ABCA4: variants seen among roughly 807,000 people sequenced by gnomAD.
The protein encoded by ABCA4 is ATP binding cassette subfamily A member 4, also known as retinal-specific phospholipid-transporting ATPase ABCA4.
A neutral mutation model predicts 263.7 loss-of-function variants in ABCA4; 196 were observed. The observed-to-expected ratio is 0.74, with a 90% CI of 0.66 to 0.84. The LOEUF is 0.84. Among genes scored for constraint, ABCA4 ranks in the 40% least tolerant of loss-of-function variants. The pLI, the probability that ABCA4 is intolerant of heterozygous loss-of-function variation, is 0.00. For missense variants in ABCA4, 2,792 were observed against 2,855.1 expected (o/e 0.98, Z 0.50); for synonymous variants, 1,133 against 1,094.2 (o/e 1.04, Z -0.70).
rs142316952 is a variant in ABCA4, at chr1:94,005,663, C to T, written c.6006-81G>A. 6.1e-3 allele frequency: 8,668 copies of T among 1,426,858 alleles called. 38 individuals are homozygous for T. Among genetic ancestry groups the T allele is most frequent in the Middle Eastern group, 0.017 (89 of 5,328 alleles). 88.4% of individuals were successfully genotyped at this position (1,426,858 alleles called of 1,614,324 possible). Reference sequence around the variant, plus strand: ...AGAGCTAGGGCTGGAGAAGCTTCTGCCAACGGGAAAAGGAAGCTGCTTCTT... The same window carrying T: ...AGAGCTAGGGCTGGAGAAGCTTCTGTCAACGGGAAAAGGAAGCTGCTTCTT... On this transcript the variant is annotated intron_variant, in intron 43 of 49. Transcript: ENST00000370225.
intron 40 of ABCA4, 85 bp from the exon 41 acceptor site, chr1:94,008,956 C>T: frequency 6.4e-7 from 1 of 1,562,232 alleles, no homozygotes. Context: ...CTTCCACTTC[C>T]TTGCTTCTGC....
chr1:94,106,538 T>C (rs1053833549), intron 4 of ABCA4, among the ~76,000 whole-genome samples: 2 of 152,210 alleles, frequency 1.3e-5, no homozygotes, highest in African/African-American at 4.8e-5. Context: ...GATTTCTTAC[T>C]ATTAAAATGG....
chr1:94,065,612 C>G (rs1004971846), intron 11 of ABCA4, among the ~76,000 whole-genome samples: 1 of 152,218 alleles, frequency 6.6e-6, no homozygotes, highest in Admixed American at 6.5e-5. Flanking sequence ...AACTGTCCCA[C>G]CTCAGCCTCC....
rs1434831679 is a variant in ABCA4 at position 94,010,862 on chromosome 1, C to T, written c.5652G>A (p.Val1884=). 16 of 1,614,142 alleles carry T rather than the reference C, an allele frequency of 9.9e-6. No individual in the cohort carries two copies. The highest frequency in any genetic ancestry group is 1.3e-5 in the Non-Finnish European group (15 of 1,180,016). The change falls in exon 40 of 50, where the codon GTG becomes GTA. Residue 1884 remains valine, a synonymous_variant. Coordinates refer to ENST00000370225, the MANE Select transcript of ABCA4 (RefSeq NM_000350.3). ...TCAGGAGGAAGTACACCACCCCTTCCACCACCATGGCAAACAGGTTCTTCC... is the reference window on the plus strand; with the variant it reads ...TCAGGAGGAAGTACACCACCCCTTCTACCACCATGGCAAACAGGTTCTTCC... ...LIGKNLFAMV[V]EGVVYFLLTL... is the part of the protein sequence containing the mutation.
At chr1:94,041,582 T>C (rs948990516) in intron 22 of ABCA4, among the ~76,000 whole-genome samples, 180 bp from the exon 23 acceptor site, 7 of 152,294 alleles carry the variant, frequency 4.6e-5, no homozygotes, top group Non-Finnish European at 8.8e-5. Context: ...ATAACTAACA[T>C]TTCATAGCTT....
chr1:94,030,697 G>T (rs2297671), intron 28 of ABCA4, among the ~76,000 whole-genome samples, 171 bp from the exon 29 acceptor site: 48 of 152,066 alleles, frequency 3.2e-4, no homozygotes, highest in Middle Eastern at 3.4e-3. Flanking sequence ...CTGAACACTC[G>T]CAGTGGTCTG....
intron 26 of ABCA4, among the ~76,000 whole-genome samples, chr1:94,034,286 A>T (rs536054462): frequency 6.6e-6 from 1 of 152,194 alleles, no homozygotes; most frequent in African/African-American, 2.4e-5. Flanking sequence ...ACTCATTAGA[A>T]GCAGGGAGCC....
intron 43 of ABCA4, among the ~76,000 whole-genome samples, chr1:94,006,756 A>T (rs1407670445): frequency 6.6e-6 from 1 of 152,226 alleles, no homozygotes; most frequent in Admixed American, 6.5e-5. Context: ...GCATTGGGCC[A>T]TGCTGAGGAT....
chr1:94,106,160 T>C (rs889178262), intron 4 of ABCA4, among the ~76,000 whole-genome samples: 1 of 152,202 alleles, frequency 6.6e-6, no homozygotes, highest in Non-Finnish European at 1.5e-5. Context: ...GTGGCCAACC[T>C]TTCCTGAGCC....
intron 45 of ABCA4, 23 bp downstream of exon 45, chr1:94,001,835 G>A (rs1659192068): frequency 3.1e-6 from 5 of 1,614,146 alleles, no homozygotes; most frequent in Non-Finnish European, 4.2e-6. Context: ...TAAGCCCTTG[G>A]TGCGGCCCAA....
intron 30 of ABCA4, among the ~76,000 whole-genome samples, chr1:94,028,404 T>C (rs1660094247): frequency 6.6e-6 from 1 of 152,220 alleles, no homozygotes; most frequent in African/African-American, 2.4e-5. Flanking sequence ...GCCAAGATCA[T>C]TAATGTCCCT....
Position 94,060,645 on chromosome 1 carries a change from C to G in ABCA4, c.2052G>C (p.Glu684Asp). Residue 684 changes from glutamate to aspartate, a missense_variant, in exon 14 of 50, where the codon GAG becomes GAC. Coordinates refer to ENST00000370225, the MANE Select transcript of ABCA4 (RefSeq NM_000350.3). ...IVLEKELRLK[E>D]TLKNQGVSNA... ...TGGAGACACCCTGATTTTTCAAGGT[C>G]TCCTTCAGTCGCAACTCCTTCTCCA... 6.2e-7 allele frequency: 1 copy of G among 1,614,166 alleles called. No homozygotes were observed. Among genetic ancestry groups the G allele is most frequent in the South Asian group, 1.1e-5 (1 of 91,074 alleles).
At position 94,005,463 on chromosome 1, in the gene ABCA4, A is replaced by T; in HGVS notation, c.6125T>A (p.Val2042Glu). The change falls in exon 44 of 50, where the codon GTA (valine) becomes GAA (glutamate). Residue 2042 changes from valine to glutamate, a missense_variant. Val to Glu is a moderately radical substitution (Grantham distance 121). Transcript: ENST00000370225. ...HLYLYARLRG[V>E]PAEEIEKVAN... ...CACCTTTTCGATTTCTTCTGCTGGTACACCTCGAAGCCGGGCATAAAGGTA... is the reference window on the plus strand; with the variant it reads ...CACCTTTTCGATTTCTTCTGCTGGTTCACCTCGAAGCCGGGCATAAAGGTA... The T allele has an allele frequency of 6.2e-7, 1 of 1,614,140 alleles. No homozygotes were observed. The highest frequency in any genetic ancestry group is 1.1e-5 in the South Asian group (1 of 91,084).
intron 11 of ABCA4, among the ~76,000 whole-genome samples, chr1:94,076,591 C>T (rs1047687906): frequency 6.6e-6 from 1 of 152,142 alleles, no homozygotes; most frequent in Non-Finnish European, 1.5e-5. Context: ...CGTGAAAGGG[C>T]CAGGTAGCAG....
intron 6 of ABCA4, among the ~76,000 whole-genome samples, chr1:94,096,702 C>T (rs762648588): frequency 6.6e-6 from 1 of 152,224 alleles, no homozygotes; most frequent in Non-Finnish European, 1.5e-5. Context: ...GAAAGTTTTA[C>T]CCAGGTGCCG....
At position 93,997,867 on chromosome 1, in the gene ABCA4, C is replaced by T. The variant is rs771487674; in HGVS notation, c.6723G>A (p.Leu2241=). ...IEEYSVTQTT[L]DQVFVNFAKQ... ...TGCCCCAGGGCCAACTTGCCTGGTC[C>T]AGTGTGGTCTGTGTGACTGAGTACT... is the stretch of plus-strand genomic sequence containing the variant. The change falls in exon 48 of 50, where the codon CTG becomes CTA. Residue 2241 remains leucine (L), a synonymous_variant. Transcript: ENST00000370225. 1.2e-6 allele frequency: 2 copies of T among 1,613,902 alleles called. No individual in the cohort carries two copies. Among genetic ancestry groups the T allele is most frequent in the Admixed American group, 1.7e-5 (1 of 59,992 alleles).
Position 94,056,584 on chromosome 1 carries a change from C to T in ABCA4, c.2382+17G>A. The T allele has an allele frequency of 1.2e-6, 2 of 1,610,886 alleles. No individual in the cohort carries two copies. The highest frequency in any genetic ancestry group is 1.7e-6 in the Non-Finnish European group (2 of 1,179,110). On this transcript the variant is annotated intron_variant, in intron 15 of 49. Coordinates refer to ENST00000370225, the MANE Select transcript of ABCA4 (RefSeq NM_000350.3). ...AGGAAACGTGTTGTAGGACAGGGGC[C>T]AGCCCAAGGGCCTCACCACAGCCTT...
chr1:94,080,703 T>C lies in ABCA4; in HGVS notation c.874A>G (p.Ser292Gly). ...PRIQEFIHRP[S>G]MQDLLWVTRP... ...GTCACCCACAGCAAGTCCTGCATAC[T>C]CGGCCGATGGATAAACTAGGGCAAG... is the stretch of plus-strand genomic sequence containing the variant. The change falls in exon 8 of 50, where the codon AGT (serine) becomes GGT (glycine). Residue 292 changes from serine (S) to glycine (G), a missense_variant. Transcript: ENST00000370225. 6.2e-7 allele frequency: 1 copy of C among 1,614,112 alleles called. No homozygotes were observed. The highest frequency in any genetic ancestry group is 1.3e-5 in the African/African-American group (1 of 74,992).
intron 37 of ABCA4, among the ~76,000 whole-genome samples, chr1:94,015,484 G>A (rs1226644814): frequency 6.6e-6 from 1 of 152,172 alleles, no homozygotes; most frequent in Non-Finnish European, 1.5e-5. Context: ...GTTTGAGTAG[G>A]AGATTCAGAT....
Sources: allele counts gnomAD v4.1 joint callset (sites outside exome capture counted in the v4.1 genomes callset), GRCh38; gene constraint gnomAD v4.1.1; transcripts MANE v1.5; gene names NCBI Gene and HGNC (gene_info 2026-07-23, HGNC 2026-07-21).